The following CSMD1 variants were observed in gnomAD, a reference collection of about 807,000 sequenced individuals.
CSMD1 encodes CUB and sushi domain-containing protein 1.
A neutral mutation model predicts 417.5 loss-of-function variants in CSMD1; 213 were observed. The observed-to-expected ratio is 0.51, with a 90% CI of 0.46 to 0.57. CSMD1 has a LOEUF of 0.57. Among genes scored for constraint, CSMD1 ranks in the 20% least tolerant of loss-of-function variants. The pLI is 0.00. For synonymous variants in CSMD1, 2,862 were observed against 1,736.8 expected (o/e 1.65, Z -16.11); for missense variants, 6,923 against 4,529.7 (o/e 1.53, Z -15.17).
intron 20 of CSMD1, 77 bp from the exon 21 acceptor site, chr8:3,359,417 T>A: frequency 1.1e-6 from 1 of 941,146 alleles, no homozygotes; most frequent in Non-Finnish European, 1.5e-6. Context: ...GAATAAAAAG[T>A]GCTATTACTA....
intron 12 of CSMD1, among the ~76,000 whole-genome samples, chr8:3,463,838 A>G (rs1022475966): frequency 1.3e-5 from 2 of 152,190 alleles, no homozygotes; most frequent in African/African-American, 4.8e-5. Flanking sequence ...TTTTTGAACC[A>G]TCTCCTACAT....
chr8:3,630,291 T>C (rs1290982216), intron 7 of CSMD1, among the ~76,000 whole-genome samples: 1 of 151,948 alleles, frequency 6.6e-6, no homozygotes, highest in Non-Finnish European at 1.5e-5. Flanking sequence ...TAAGCTGAAA[T>C]GGAAAAGATG....
chr8:4,262,947 C>A (rs560514818), intron 3 of CSMD1, among the ~76,000 whole-genome samples: 2 of 152,216 alleles, frequency 1.3e-5, no homozygotes, highest in East Asian at 3.9e-4. Flanking sequence ...TTAGTTCAGC[C>A]AAGGAAACTG....
intron 3 of CSMD1, among the ~76,000 whole-genome samples, chr8:4,393,950 G>T (rs933078708): frequency 6.6e-6 from 1 of 152,104 alleles, no homozygotes; most frequent in Non-Finnish European, 1.5e-5. Context: ...TGTGTTTCAG[G>T]TATTAACGCA....
At chr8:4,037,117 G>A (rs77819775) in intron 3 of CSMD1, among the ~76,000 whole-genome samples, 2 of 152,054 alleles carry the variant, frequency 1.3e-5, no homozygotes, top group Admixed American at 6.6e-5. Flanking sequence ...TATTTTACTT[G>A]TTTTTATTAA....
intron 26 of CSMD1, among the ~76,000 whole-genome samples, chr8:3,234,446 T>C (rs1799032286): frequency 6.6e-6 from 1 of 152,132 alleles, no homozygotes; most frequent in South Asian, 2.1e-4. Context: ...ATTACTCGTG[T>C]TTTGAACAGG....
intron 3 of CSMD1, among the ~76,000 whole-genome samples, chr8:4,045,202 A>T (rs1326089444): frequency 6.6e-6 from 1 of 152,112 alleles, no homozygotes; most frequent in Non-Finnish European, 1.5e-5. Context: ...TCTCTGAGGA[A>T]CCCACAATGT....
At chr8:3,372,069 T>C (rs1373626902) in intron 18 of CSMD1, among the ~76,000 whole-genome samples, 1 of 152,272 alleles carries the variant, frequency 6.6e-6, no homozygotes, top group East Asian at 1.9e-4. Context: ...AAAAGGCAGA[T>C]GATATACAAT....
intron 7 of CSMD1, among the ~76,000 whole-genome samples, chr8:3,696,772 G>C (rs1800577409): frequency 6.6e-6 from 1 of 152,182 alleles, no homozygotes; most frequent in African/African-American, 2.4e-5. Flanking sequence ...TGGAAATAAG[G>C]TCAACAGGAG....
intron 3 of CSMD1, among the ~76,000 whole-genome samples, chr8:4,329,088 A>T (rs1799719509): frequency 6.6e-6 from 1 of 152,168 alleles, no homozygotes; most frequent in African/African-American, 2.4e-5. Flanking sequence ...CAACAAATAA[A>T]TCCAAGCCTT....
At chr8:3,931,691 G>C (rs1272554535) in intron 5 of CSMD1, among the ~76,000 whole-genome samples, 3 of 149,048 alleles carry the variant, frequency 2.0e-5, no homozygotes, top group Admixed American at 2.0e-4. Flanking sequence ...AACAACAAAA[G>C]GACTATAGTT....
intron 1 of CSMD1, among the ~76,000 whole-genome samples, chr8:4,720,892 T>C (rs1281675127): frequency 6.6e-6 from 1 of 152,130 alleles, no homozygotes; most frequent in African/African-American, 2.4e-5. Context: ...GGTACAAACA[T>C]ACCTGGTGAC....
At chr8:3,002,899 G>A (rs998706244) in intron 52 of CSMD1, among the ~76,000 whole-genome samples, 2 of 152,150 alleles carry the variant, frequency 1.3e-5, no homozygotes, top group African/African-American at 4.8e-5. Context: ...GAAAACAGAG[G>A]ATGTCCTTCA....
At chr8:4,253,261 T>C (rs1803208623) in intron 3 of CSMD1, among the ~76,000 whole-genome samples, 1 of 152,220 alleles carries the variant, frequency 6.6e-6, no homozygotes, top group African/African-American at 2.4e-5. Flanking sequence ...AAAAGCTTGA[T>C]GTTAAGACCC....
At chr8:3,101,224 C>G (rs1203987727) in intron 46 of CSMD1, among the ~76,000 whole-genome samples, 2 of 152,168 alleles carry the variant, frequency 1.3e-5, no homozygotes, top group African/African-American at 4.8e-5. Context: ...ACCCTGAGAG[C>G]AAGCAGTAGG....
intron 41 of CSMD1, among the ~76,000 whole-genome samples, chr8:3,131,197 T>C (rs1324944243): frequency 6.6e-6 from 1 of 152,178 alleles, no homozygotes; most frequent in Non-Finnish European, 1.5e-5. Flanking sequence ...ATTATGTATG[T>C]TATTTCACTA....
In CSMD1 at chr8:4,152,254, T is replaced by C. The variant is rs550842020; in HGVS notation, c.416-120155A>G. On this transcript the variant is annotated intron_variant, in intron 3 of 69. Transcript: ENST00000635120. ...TATTCCCACTTTCTCAAGAGAATGC[T>C]CTATGATGGTAATATAGAAATACGA... is the stretch of plus-strand genomic sequence containing the variant. 3.9e-5 allele frequency among the ~76,000 whole-genome samples: 6 copies of C among 152,342 alleles called. No homozygotes were observed. In the South Asian group the frequency reaches 1.2e-3, roughly 32 times the overall value.
intron 5 of CSMD1, among the ~76,000 whole-genome samples, chr8:3,771,012 G>C (rs1405157430): frequency 1.1e-5 from 1 of 88,940 alleles, no homozygotes; most frequent in Non-Finnish European, 2.2e-5. Flanking sequence ...CTCTCTGTCA[G>C]TGTGTCTGTG....
At chr8:3,403,024 T>C (rs560509007) in intron 15 of CSMD1, among the ~76,000 whole-genome samples, 1 of 152,204 alleles carries the variant, frequency 6.6e-6, no homozygotes. Context: ...AGTTTCTCTT[T>C]AATGTAAAAT....
Sources: allele counts gnomAD v4.1 joint callset (sites outside exome capture counted in the v4.1 genomes callset), GRCh38; gene constraint gnomAD v4.1.1; transcripts MANE v1.5; gene names NCBI Gene and HGNC (gene_info 2026-07-23, HGNC 2026-07-21).